The following TRAF6 variants were observed in gnomAD, a reference collection of about 807,000 sequenced individuals.
TRAF6 encodes the protein TNF receptor associated factor 6.
In TRAF6, 10 loss-of-function variants were observed where a neutral mutation model predicts 48.4. That is an observed-to-expected ratio of 0.21 (90% CI 0.13 to 0.35). The LOEUF is 0.35. Ranked by LOEUF, TRAF6 falls within the 10% of genes least tolerant of loss-of-function variation. The probability of loss-of-function intolerance (pLI) is 1.00; values close to 1 mark genes in which losing one functional copy is unlikely to be tolerated. For missense variants in TRAF6, 397 were observed against 661.0 expected (o/e 0.60, Z 4.38); for synonymous variants, 186 against 219.6 (o/e 0.85, Z 1.35).
chr11:36,504,016 A>AATTAATTTAATT (rs1859753349), intron 1 of TRAF6, among the ~76,000 whole-genome samples: 1 of 152,232 alleles, frequency 6.6e-6, no homozygotes, highest in African/African-American at 2.4e-5. Context: ...GACAATGTAT[A>AATTAATTTAATT]TACCTTAATT....
At chr11:36,495,149 G>A (rs565175393) in intron 4 of TRAF6, 102 bp from the exon 5 acceptor site, 21 of 796,006 alleles carry the variant, frequency 2.6e-5, no homozygotes, top group Non-Finnish European at 3.8e-5. Flanking sequence ...AACAAATAAG[G>A]ACATCAATTT....
chr11:36,498,352 G>T, intron 3 of TRAF6, 138 bp downstream of exon 3: 1 of 653,460 alleles, frequency 1.5e-6, no homozygotes, highest in Non-Finnish European at 2.4e-6. Flanking sequence ...TAAAGGGTTG[G>T]CATTAATTCA....
intron 2 of TRAF6, 122 bp downstream of exon 2, chr11:36,501,098 T>C: frequency 1.0e-6 from 1 of 989,080 alleles, no homozygotes; most frequent in Non-Finnish European, 1.4e-6. Context: ...TGTCCATTGT[T>C]CTTTTTTCCT....
At chr11:36,493,221 T>A (rs370987610) in intron 5 of TRAF6, among the ~76,000 whole-genome samples, 5 of 152,342 alleles carry the variant, frequency 3.3e-5, no homozygotes, top group African/African-American at 1.2e-4. Context: ...TAAGACACAT[T>A]CTCTAAGGTA....
chr11:36,509,411 C>G (rs1278634861), intron 1 of TRAF6, among the ~76,000 whole-genome samples: 2 of 151,502 alleles, frequency 1.3e-5, no homozygotes, highest in African/African-American at 4.8e-5. Context: ...AGAAAACATT[C>G]GTGTCATCTG....
rs911609685 is a variant in TRAF6, at chr11:36,484,875, T to C, written c.*4963A>G. On this transcript the variant is annotated 3_prime_UTR_variant, in exon 7 of 7. Transcript: ENST00000526995. ...CTTCAAATAAATCCATTACAAAAAA[T>C]ACCCCTTCAGGCAAAATAAATAAGA... 2.0e-5 allele frequency among the ~76,000 whole-genome samples: 3 copies of C among 152,162 alleles called. No homozygotes were observed. The highest frequency in any genetic ancestry group is 1.3e-4 in the Admixed American group (2 of 15,270).
rs1157696222 is a variant in TRAF6, at chr11:36,490,436, C to T, written c.971G>A (p.Ser324Asn). 15 of 1,613,826 alleles carry T rather than the reference C, an allele frequency of 9.3e-6. No homozygotes were observed. Among genetic ancestry groups the T allele is most frequent in the East Asian group, 4.5e-5 (2 of 44,882 alleles). ...RELTAKMETQ[S>N]MYVSELKRTI... The stretch of plus-strand genomic sequence containing the variant: ...TCGTTTGAGCTCACTTACATACATA[C>T]TCTGAGTTTCCATTTTAGCAGTCAG... Residue 324 changes from serine (S) to asparagine (N), a missense_variant, in exon 7 of 7, where the codon AGT becomes AAT. Physicochemically the swap from Ser to Asn is conservative, Grantham distance 46. Transcript: ENST00000526995. This position sits in a 1 kb window ranked among gnomAD's most constrained non-coding sequence, Gnocchi z 6.4.
Position 36,501,331 on chromosome 11 carries a change from G to A in TRAF6, c.185C>T (p.Pro62Leu), listed in dbSNP as rs1859712360. The A allele has an allele frequency of 1.2e-6, 2 of 1,614,034 alleles. No individual in the cohort carries two copies. Among genetic ancestry groups the A allele is most frequent in the Non-Finnish European group, 1.7e-6 (2 of 1,180,024 alleles). ...EIQGYDVEFD[P>L]PLESKYECPI... Reference sequence around the variant, plus strand: ...GCATTCATACTTGCTTTCCAGGGGTGGGTCAAACTCTACATCATATCCCTG... The same window carrying A: ...GCATTCATACTTGCTTTCCAGGGGTAGGTCAAACTCTACATCATATCCCTG... Residue 62 changes from proline to leucine, a missense_variant, in exon 2 of 7, where the codon CCA (proline) becomes CTA (leucine). Around this residue, in one of 4 missense-constraint regions of TRAF6, gnomAD observed 73 missense variants for 87.3 expected, o/e 0.84. Coordinates refer to ENST00000526995, the MANE Select transcript of TRAF6 (RefSeq NM_004620.4).
In TRAF6 at chr11:36,483,834, G is replaced by T. The variant is rs929586579; in HGVS notation, c.*6004C>A. Among the ~76,000 whole-genome samples, 1 of 152,158 alleles carries T rather than the reference G, an allele frequency of 6.6e-6. No individual in the cohort carries two copies. Among genetic ancestry groups the T allele is most frequent in the African/African-American group, 2.4e-5 (1 of 41,438 alleles). On this transcript the variant is annotated 3_prime_UTR_variant, in exon 7 of 7. Coordinates refer to ENST00000526995, the MANE Select transcript of TRAF6 (RefSeq NM_004620.4). Reference sequence around the variant, plus strand: ...TGTAGACATTGATGCAGTACATAGGGCTGGTAAGGAAGTAGTAACAGTGCG... The same window carrying T: ...TGTAGACATTGATGCAGTACATAGGTCTGGTAAGGAAGTAGTAACAGTGCG...
rs1454902917 is a variant in TRAF6 at position 36,487,231 on chromosome 11, AG to A, written c.*2606del. The A allele has an allele frequency of 6.6e-6, 1 of 152,250 alleles. No individual in the cohort carries two copies. The highest frequency in any genetic ancestry group is 2.4e-5 in the African/African-American group (1 of 41,468). The allele number at this position is 152,250 out of a possible 1,614,324, so 9.4% of individuals were successfully genotyped here. On this transcript the variant is annotated 3_prime_UTR_variant, in exon 7 of 7. Coordinates refer to ENST00000526995, the MANE Select transcript of TRAF6 (RefSeq NM_004620.4). ...AGGTGGTTAGTAACATACAACATAA[AG>A]CCCAAAGGCTTGTATACCCAACTGA... is the stretch of plus-strand genomic sequence containing the variant.
At chr11:36,491,973 G>A (rs761804102) in intron 6 of TRAF6, among the ~76,000 whole-genome samples, 11 of 151,490 alleles carry the variant, frequency 7.3e-5, no homozygotes, top group African/African-American at 1.7e-4. Flanking sequence ...CTTTTTTGCC[G>A]AATGGCCCTT....
intron 1 of TRAF6, among the ~76,000 whole-genome samples, chr11:36,507,665 G>A (rs1476395678): frequency 3.7e-5 from 1 of 27,002 alleles, no homozygotes; most frequent in African/African-American, 1.1e-4. Flanking sequence ...ACATACACAC[G>A]CGCGTGTATA....
intron 5 of TRAF6, 40 bp from the exon 6 acceptor site, chr11:36,492,668 A>G (rs768307825): frequency 3.4e-6 from 5 of 1,468,382 alleles, no homozygotes; most frequent in East Asian, 2.3e-5. Flanking sequence ...TCTTCCTTGC[A>G]TATCATTTTC....
chr11:36,489,762 T>C lies in TRAF6; in HGVS notation c.*76A>G, dbSNP rs1369975446. 9.1e-6 allele frequency: 13 copies of C among 1,431,914 alleles called. No individual in the cohort carries two copies. Among genetic ancestry groups the C allele is most frequent in the Non-Finnish European group, 1.1e-5 (12 of 1,050,824 alleles). The allele number at this position is 1,431,914 out of a possible 1,614,324, so 88.7% of individuals were successfully genotyped here. A position where few individuals can be genotyped will look rare whatever the true frequency, so the allele number is the denominator to read the frequency against. On this transcript the variant is annotated 3_prime_UTR_variant, in exon 7 of 7. Transcript: ENST00000526995. ...TACATATTTCCCGTGGCTTGTTTGT[T>C]TGCATGTTATTGAGAACAGGGCAAG...
rs1212101638 is a variant in TRAF6, at chr11:36,486,448, T to A, written c.*3390A>T. On this transcript the variant is annotated 3_prime_UTR_variant, in exon 7 of 7. Coordinates refer to ENST00000526995, the MANE Select transcript of TRAF6 (RefSeq NM_004620.4). ...GTAAAAATAATGCATTCTAACTGTA[T>A]ACATAATTCATAAGCATGCTTAGTT... Among the ~76,000 whole-genome samples, 1 of 152,174 alleles carries A rather than the reference T, an allele frequency of 6.6e-6. No homozygotes were observed. Among genetic ancestry groups the A allele is most frequent in the African/African-American group, 2.4e-5 (1 of 41,400 alleles).
At position 36,490,528 on chromosome 11, in the gene TRAF6, C is replaced by A. The variant is rs752651373; in HGVS notation, c.879G>T (p.Arg293=). The change falls in exon 7 of 7, where the codon CGG becomes CGT. Residue 293 remains arginine (R), a synonymous_variant. Coordinates refer to ENST00000526995, the MANE Select transcript of TRAF6 (RefSeq NM_004620.4). The surrounding 1 kb of genome is among the most constrained non-coding windows in gnomAD (Gnocchi z 6.4). ...IPDSGYISEV[R]NFQETIHQLE... is the part of the protein sequence containing the mutation. The stretch of plus-strand genomic sequence containing the variant: ...ACTGGTGAATAGTTTCCTGGAAATT[C>A]CGGACCTCTGAGATATACCCAGAGT... The A allele has an allele frequency of 1.9e-6, 3 of 1,614,036 alleles. No homozygotes were observed. The South Asian group carries it at 3.3e-5, about 18-fold the overall frequency.
chr11:36,496,753 G>A (rs1474129353), intron 4 of TRAF6, among the ~76,000 whole-genome samples: 2 of 152,044 alleles, frequency 1.3e-5, no homozygotes, highest in East Asian at 1.9e-4. Context: ...ATAATTTTGT[G>A]TAGATCTTAT....
intron 5 of TRAF6, 64 bp downstream of exon 5, chr11:36,494,911 TA>T: frequency 1.7e-6 from 2 of 1,206,238 alleles, no homozygotes; most frequent in Admixed American, 2.1e-5. Flanking sequence ...AATTTTCAAT[TA>T]AAAAACCTAA....
chr11:36,498,461 T>C lies in TRAF6; in HGVS notation c.447+29A>G, dbSNP rs200394342. The C allele has an allele frequency of 3.1e-6, 5 of 1,593,910 alleles. No individual in the cohort carries two copies. In the African/African-American group the frequency reaches 6.7e-5, roughly 21 times the overall value. On this transcript the variant is annotated intron_variant, in intron 3 of 6. Transcript: ENST00000526995. ...CTGTAGGAACTTCCTTTTATACATG[T>C]GCTAACAGCTAGAAAAGAACTTTAA...
Sources: gnomAD v4.1 joint callset for allele counts (sites outside exome capture counted in the v4.1 genomes callset) on GRCh38, gnomAD v4.1.1 for gene constraint, gnomAD v4.1.1 regional missense constraint, Gnocchi (gnomAD v3.1) non-coding constraint, MANE v1.5 for transcripts, NCBI Gene and HGNC (gene_info 2026-07-23, HGNC 2026-07-21) for gene names.